Variants in TCERG1L observed in about 807,000 individuals in gnomAD.
TCERG1L encodes transcription elongation regulator 1-like protein.
TCERG1L carries 37 observed loss-of-function variants against 56.3 expected under a neutral mutation model. The ratio of observed to expected loss-of-function variants is 0.66; its 90% confidence interval spans 0.51 to 0.87. The LOEUF is 0.87. Ranked by LOEUF, TCERG1L falls within the 40% of genes least tolerant of loss-of-function variation. The pLI is 0.00. For missense variants in TCERG1L, 799 were observed against 774.2 expected (o/e 1.03, Z -0.38); for synonymous variants, 324 against 326.3 (o/e 0.99, Z 0.08).
At chr10:131,237,751 AT>A (rs1845927970) in intron 4 of TCERG1L, among the ~76,000 whole-genome samples, 1 of 152,130 alleles carries the variant, frequency 6.6e-6, no homozygotes, top group African/African-American at 2.4e-5. Context: ...TGTCAACTCC[AT>A]GGTTCAGCCA....
chr10:131,165,912 G>A (rs573573467), intron 5 of TCERG1L, among the ~76,000 whole-genome samples: 17 of 152,306 alleles, frequency 1.1e-4, no homozygotes, highest in South Asian at 2.1e-4. Context: ...ACCATGTGAT[G>A]AAGAAAGGAG....
At position 131,093,147 on chromosome 10, in the gene TCERG1L, C is replaced by T. The variant is rs1589772027; in HGVS notation, c.*15G>A. On this transcript the variant is annotated 3_prime_UTR_variant, in exon 12 of 12. Coordinates refer to ENST00000368642, the MANE Select transcript of TCERG1L (RefSeq NM_174937.4). ...CCAGGGTCAACCCCCGGGCTTATTG[C>T]ATTTTTTCACAAACTCATCTCATTT... 3 of 1,611,594 alleles carry T rather than the reference C, an allele frequency of 1.9e-6. No individual in the cohort carries two copies. The highest frequency in any genetic ancestry group is 4.5e-5 in the East Asian group (2 of 44,822).
At chr10:131,154,901 G>A (rs888770551) in intron 6 of TCERG1L, among the ~76,000 whole-genome samples, 11 of 152,222 alleles carry the variant, frequency 7.2e-5, no homozygotes, top group African/African-American at 2.4e-4. Flanking sequence ...TGGCCTCTCC[G>A]CTTCGGGCCG....
intron 8 of TCERG1L, among the ~76,000 whole-genome samples, chr10:131,125,327 CATT>C (rs1487873340): frequency 6.6e-6 from 1 of 152,124 alleles, no homozygotes; most frequent in African/African-American, 2.4e-5. Flanking sequence ...GATGACATCT[CATT>C]ATTATTATTT....
At chr10:131,286,879 A>G (rs1328521855) in intron 3 of TCERG1L, among the ~76,000 whole-genome samples, 1 of 152,230 alleles carries the variant, frequency 6.6e-6, no homozygotes, top group Non-Finnish European at 1.5e-5. Context: ...CGTTAGCTCC[A>G]TGTGGCTACA....
intron 4 of TCERG1L, among the ~76,000 whole-genome samples, chr10:131,257,034 AAAGAAAGAAAGAAAG>A (rs1564827232): frequency 4.1e-5 from 6 of 146,692 alleles, no homozygotes; most frequent in African/African-American, 1.5e-4. Context: ...AGAAAGAAAG[AAAGAAAGAAAGAAAG>A]AAAGAAAAGA....
At chr10:131,217,707 CCTTT>C (rs1564818155) in intron 4 of TCERG1L, among the ~76,000 whole-genome samples, 1 of 135,028 alleles carries the variant, frequency 7.4e-6, no homozygotes, top group African/African-American at 2.8e-5. Flanking sequence ...CAGTAGCTGC[CCTTT>C]TTTTTTTTTT....
rs58892586 is a variant in TCERG1L, at chr10:131,309,834, CAAAAAAAAA to C, written c.343-544_343-536del. On this transcript the variant is annotated intron_variant, in intron 1 of 11. Transcript: ENST00000368642. ...TCACCAATACAAATAGATTCTATGG[CAAAAAAAAA>C]AAAAAAAAAAAAAAAACTAAGCATC... 2.9e-3 allele frequency among the ~76,000 whole-genome samples: 146 copies of C among 49,864 alleles called. 1 individual carries two copies. The highest frequency in any genetic ancestry group is 0.01 in the African/African-American group (122 of 11,780). The allele number at this position is 49,864 out of a possible 152,430, so 32.7% of individuals were successfully genotyped here. A position where few individuals can be genotyped will look rare whatever the true frequency, so the allele number is the denominator to read the frequency against.
Position 131,093,186 on chromosome 10 carries a change from T to G in TCERG1L, c.1737A>C (p.Arg579Ser), listed in dbSNP as rs1171825693. 1 of 1,613,808 alleles carries G rather than the reference T, an allele frequency of 6.2e-7. No homozygotes were observed. The highest frequency in any genetic ancestry group is 1.7e-5 in the Admixed American group (1 of 60,018). Residue 579 changes from arginine to serine, a missense_variant, in exon 12 of 12, where the codon AGA (arginine) becomes AGC (serine). Coordinates refer to ENST00000368642, the MANE Select transcript of TCERG1L (RefSeq NM_174937.4). Reference sequence around the variant, plus strand: ...CTCATCTCATTTTCCGCAGCCTTAGTCTGTTTTCCTTGTCCCGTTTCTTAA... The same window carrying G: ...CTCATCTCATTTTCCGCAGCCTTAGGCTGTTTTCCTTGTCCCGTTTCTTAA... ...LILKKRDKEN[R>S]LRLRKMR
intron 8 of TCERG1L, among the ~76,000 whole-genome samples, chr10:131,127,017 A>G (rs1172485275): frequency 6.6e-6 from 1 of 152,124 alleles, no homozygotes; most frequent in Non-Finnish European, 1.5e-5. Flanking sequence ...TCTTGTCTCT[A>G]CTTGCTGCCT....
At chr10:131,250,662 C>G (rs992759635) in intron 4 of TCERG1L, among the ~76,000 whole-genome samples, 15 of 152,154 alleles carry the variant, frequency 9.9e-5, no homozygotes, top group African/African-American at 3.6e-4. Context: ...ACAGCAGTGC[C>G]TGCCCGGGGC....
At chr10:131,285,592 G>C (rs952141987) in intron 3 of TCERG1L, among the ~76,000 whole-genome samples, 3 of 152,008 alleles carry the variant, frequency 2.0e-5, no homozygotes, top group Non-Finnish European at 2.9e-5. Context: ...AAAAAAATGA[G>C]ATGGCAGGGC....
At chr10:131,208,951 G>A (rs930923405) in intron 4 of TCERG1L, among the ~76,000 whole-genome samples, 7 of 151,838 alleles carry the variant, frequency 4.6e-5, no homozygotes, top group Non-Finnish European at 7.4e-5. Flanking sequence ...CCAGCTACTC[G>A]GGAGGCCGAG....
At chr10:131,269,599 G>C (rs1291231027) in intron 3 of TCERG1L, among the ~76,000 whole-genome samples, 2 of 152,204 alleles carry the variant, frequency 1.3e-5, no homozygotes, top group East Asian at 3.8e-4. Context: ...ACAGGACATT[G>C]ATAGATTAAC....
In TCERG1L at chr10:131,190,410, T is replaced by C. The variant is rs943710930; in HGVS notation, c.857-23525A>G. Among the ~76,000 whole-genome samples, 5 of 150,858 alleles carry C rather than the reference T, an allele frequency of 3.3e-5. 1 individual carries two copies. The highest frequency in any genetic ancestry group is 9.8e-5 in the African/African-American group (4 of 40,842). On this transcript the variant is annotated intron_variant, in intron 4 of 11. Coordinates refer to ENST00000368642, the MANE Select transcript of TCERG1L (RefSeq NM_174937.4). ...AGATTAAGAAACAAGGAGGCCTCCCTAAATCATTCTATGAAGCTAGTATCA... is the reference window on the plus strand; with the variant it reads ...AGATTAAGAAACAAGGAGGCCTCCCCAAATCATTCTATGAAGCTAGTATCA...
At chr10:131,233,177 C>G (rs768064114) in intron 4 of TCERG1L, among the ~76,000 whole-genome samples, 1 of 152,130 alleles carries the variant, frequency 6.6e-6, no homozygotes, top group African/African-American at 2.4e-5. Flanking sequence ...CTTACCACAC[C>G]TGTTTTAGTA....
chr10:131,099,780 C>G (rs1028827197), intron 10 of TCERG1L, among the ~76,000 whole-genome samples: 4 of 152,134 alleles, frequency 2.6e-5, no homozygotes, highest in African/African-American at 9.7e-5. Flanking sequence ...GATACAGCAG[C>G]GAAATGAAAC....
chr10:131,305,281 C>A (rs1846808621), intron 3 of TCERG1L, among the ~76,000 whole-genome samples: 1 of 152,104 alleles, frequency 6.6e-6, no homozygotes, highest in African/African-American at 2.4e-5. Flanking sequence ...AGGCGACCAT[C>A]ATCCTCCTGG....
chr10:131,193,168 T>A (rs990314809), intron 4 of TCERG1L, among the ~76,000 whole-genome samples: 2 of 152,226 alleles, frequency 1.3e-5, no homozygotes, highest in East Asian at 3.8e-4. Context: ...TTGAAAAATA[T>A]CTACGCATGG....
Sources: allele counts gnomAD v4.1 joint callset (sites outside exome capture counted in the v4.1 genomes callset), GRCh38; gene constraint gnomAD v4.1.1; transcripts MANE v1.5; gene names NCBI Gene and HGNC (gene_info 2026-07-23, HGNC 2026-07-21).